Variants in SFMBT2 observed in about 807,000 individuals in gnomAD.
The protein encoded by SFMBT2 is Scm like with four mbt domains 2, also known as scm-like with four MBT domains protein 2.
In SFMBT2, 38 loss-of-function variants were observed where a neutral mutation model predicts 110.1. The ratio of observed to expected loss-of-function variants is 0.35; its 90% confidence interval spans 0.27 to 0.45. SFMBT2 has a LOEUF of 0.45. SFMBT2 is among the 20% of genes least tolerant of loss of function. The probability of loss-of-function intolerance (pLI) is 1.00; values close to 1 mark genes in which losing one functional copy is unlikely to be tolerated. For synonymous variants in SFMBT2, 425 were observed against 425.4 expected, an observed-to-expected ratio of 1.00 and a Z score of 0.01; for missense variants, 1,011 against 1,094.9, an observed-to-expected ratio of 0.92 and a Z score of 1.08.
chr10:7,370,186 C>T (rs1845022496), intron 3 of SFMBT2, 95 bp downstream of exon 3: 1 of 1,125,174 alleles, frequency 8.9e-7, no homozygotes, highest in Admixed American at 1.8e-5. Context: ...CCTCTTTCCT[C>T]TGCCCTTCTT....
In SFMBT2 at chr10:7,301,428, G is replaced by T. The variant is rs572778405; in HGVS notation, c.437-15474C>A. Among the ~76,000 whole-genome samples, 1 of 152,320 alleles carries T rather than the reference G, an allele frequency of 6.6e-6. No individual in the cohort carries two copies. Among genetic ancestry groups the T allele is most frequent in the South Asian group, 2.1e-4 (1 of 4,826 alleles). On this transcript the variant is annotated intron_variant, in intron 4 of 20. Transcript: ENST00000397167. The surrounding 1 kb of genome is among the most constrained non-coding windows in gnomAD (Gnocchi z 4.2). ...AGAAAGCCCGAACTCATGAGACAGCGGAGGAAACCCGGGAGGGACTAGAAC... is the reference window on the plus strand; with the variant it reads ...AGAAAGCCCGAACTCATGAGACAGCTGAGGAAACCCGGGAGGGACTAGAAC...
chr10:7,285,451 T>C (rs1213684769), intron 5 of SFMBT2: 1 of 153,186 alleles, frequency 6.5e-6, no homozygotes, highest in Non-Finnish European at 1.5e-5. Context: ...AAATAGAACA[T>C]TTAATGGAAC....
intron 2 of SFMBT2, 109 bp downstream of exon 2, chr10:7,381,690 G>C: frequency 8.4e-7 from 1 of 1,191,020 alleles, no homozygotes; most frequent in Non-Finnish European, 1.2e-6. Flanking sequence ...CCAGGAACCA[G>C]ACAGTATGTG....
Position 7,171,642 on chromosome 10 carries a change from G to T in SFMBT2, c.2415+253C>A. Reference sequence around the variant, plus strand: ...GAGGACTGTGCCCTCCTCCTGACAAGAACCCAGGTGGCACTAAAGCCGTCC... The same window carrying T: ...GAGGACTGTGCCCTCCTCCTGACAATAACCCAGGTGGCACTAAAGCCGTCC... On this transcript the variant is annotated intron_variant, in intron 19 of 20. Transcript: ENST00000397167. This position sits in a 1 kb window ranked among gnomAD's most constrained non-coding sequence, Gnocchi z 4.9. 3.3e-6 allele frequency: 3 copies of T among 914,880 alleles called. No homozygotes were observed. The highest frequency in any genetic ancestry group is 3.9e-6 in the Non-Finnish European group (3 of 765,676). 56.7% of individuals were successfully genotyped at this position (914,880 alleles called of 1,614,324 possible). A position where few individuals can be genotyped will look rare whatever the true frequency, so the allele number is the denominator to read the frequency against.
intron 6 of SFMBT2, chr10:7,277,579 A>G (rs10795539): frequency 0.61 from 99,966 of 162,942 alleles, 32,059 homozygotes; most frequent in African/African-American, 0.79. Flanking sequence ...TTCCCCAGGC[A>G]GTGGGAGGGG....
chr10:7,195,234 C>T (rs1270362876), intron 15 of SFMBT2, among the ~76,000 whole-genome samples: 2 of 152,196 alleles, frequency 1.3e-5, no homozygotes, highest in African/African-American at 2.4e-5. Flanking sequence ...GTAATCCTGG[C>T]TTGATTTCTG....
chr10:7,228,734 TCCTTTC>T (rs1185848096), intron 9 of SFMBT2, among the ~76,000 whole-genome samples: 1 of 55,420 alleles, frequency 1.8e-5, no homozygotes, highest in East Asian at 4.5e-4. Flanking sequence ...TTTCTTTCTT[TCCTTTC>T]TCTCTCTCTC....
At chr10:7,290,217 T>C (rs1203332561) in intron 4 of SFMBT2, among the ~76,000 whole-genome samples, 1 of 151,072 alleles carries the variant, frequency 6.6e-6, no homozygotes, top group Non-Finnish European at 1.5e-5. Flanking sequence ...TCATCGCTCA[T>C]GCTTTCAACT....
intron 4 of SFMBT2, among the ~76,000 whole-genome samples, chr10:7,339,037 C>T (rs1345887842): frequency 1.3e-5 from 2 of 152,188 alleles, no homozygotes; most frequent in South Asian, 2.1e-4. Flanking sequence ...GTCAGGAGTT[C>T]GAGACCAGCC....
rs1384110795 is a variant in SFMBT2 at position 7,314,984 on chromosome 10, GAGAAAGAAAGAAAGAAA to G, written c.437-29047_437-29031del. On this transcript the variant is annotated intron_variant, in intron 4 of 20. Transcript: ENST00000397167. ...AAAGAGAGAGAGAGAGAGGGAGAAA[GAGAAAGAAAGAAAGAAA>G]AGAAAGAAAGAAAGAAAAGAGAGAG... 1.4e-4 allele frequency among the ~76,000 whole-genome samples: 20 copies of G among 141,810 alleles called. No homozygotes were observed. In the South Asian group the frequency reaches 4.1e-3, roughly 29 times the overall value. 93.0% of individuals were successfully genotyped at this position (141,810 alleles called of 152,430 possible). A position where few individuals can be genotyped will look rare whatever the true frequency, so the allele number is the denominator to read the frequency against.
At chr10:7,209,375 A>G (rs984449403) in intron 11 of SFMBT2, among the ~76,000 whole-genome samples, 9 of 152,248 alleles carry the variant, frequency 5.9e-5, no homozygotes, top group East Asian at 3.8e-4. Context: ...ACCATGTTCA[A>G]TCTCTTGACT....
intron 16 of SFMBT2, among the ~76,000 whole-genome samples, chr10:7,180,474 G>A (rs1196267394): frequency 2.0e-5 from 3 of 152,024 alleles, no homozygotes; most frequent in African/African-American, 7.3e-5. Flanking sequence ...CCTTGGCCCT[G>A]CCCTTCCCAG....
At chr10:7,219,565 A>C (rs1839657811) in intron 11 of SFMBT2, 2 of 183,098 alleles carry the variant, frequency 1.1e-5, no homozygotes, top group South Asian at 3.6e-4. Flanking sequence ...TTTTCCTTCT[A>C]AACTCTTTAT....
chr10:7,165,370 G>A (rs531736196), intron 20 of SFMBT2, among the ~76,000 whole-genome samples: 1 of 152,328 alleles, frequency 6.6e-6, no homozygotes, highest in Admixed American at 6.5e-5. Flanking sequence ...TAGCTGTCTT[G>A]AAAATATCTA....
At position 7,348,378 on chromosome 10, in the gene SFMBT2, T is replaced by C. The variant is rs764435956; in HGVS notation, c.436+19271A>G. On this transcript the variant is annotated intron_variant, in intron 4 of 20. Coordinates refer to ENST00000397167, the MANE Select transcript of SFMBT2 (RefSeq NM_001387889.1). Reference sequence around the variant, plus strand: ...GATGGTTTTAATGGCTATAACTTGCTCCTATAATCCATGATGGGCTTTGGG... The same window carrying C: ...GATGGTTTTAATGGCTATAACTTGCCCCTATAATCCATGATGGGCTTTGGG... 4.8e-6 allele frequency: 7 copies of C among 1,445,554 alleles called. No homozygotes were observed. In the South Asian group the frequency reaches 1.0e-4, roughly 21 times the overall value. 89.5% of individuals were successfully genotyped at this position (1,445,554 alleles called of 1,614,324 possible).
Position 7,172,623 on chromosome 10 carries a change from G to C in SFMBT2, c.2023C>G (p.Pro675Ala). 2 of 1,614,216 alleles carry C rather than the reference G, an allele frequency of 1.2e-6. No individual in the cohort carries two copies. Among genetic ancestry groups the C allele is most frequent in the South Asian group, 2.2e-5 (2 of 91,076 alleles). ...CTGTCGGGGTTGCTTTCCCCGATGG[G>C]GGGCTTGGAGATCTTCTTTCTCTTT... Reference protein sequence around the residue: ...YGKRKKISKPPIGESNPDSGH... With the variant: ...YGKRKKISKPAIGESNPDSGH... Residue 675 changes from proline (P) to alanine (A), a missense_variant, in exon 18 of 21, where the codon CCC becomes GCC. Physicochemically the swap from Pro to Ala is conservative, Grantham distance 27. Transcript: ENST00000397167. This position sits in a 1 kb window ranked among gnomAD's most constrained non-coding sequence, Gnocchi z 4.6.
At chr10:7,260,193 C>A (rs988932478) in intron 7 of SFMBT2, among the ~76,000 whole-genome samples, 1 of 152,196 alleles carries the variant, frequency 6.6e-6, no homozygotes, top group Non-Finnish European at 1.5e-5. Flanking sequence ...GACCAGTCAC[C>A]TGAAATGGTA....
intron 11 of SFMBT2, among the ~76,000 whole-genome samples, chr10:7,213,548 C>T (rs551793300): frequency 5.9e-5 from 9 of 152,336 alleles, no homozygotes; most frequent in African/African-American, 1.7e-4. Context: ...TGAATAACGG[C>T]ATCATTCGTC....
chr10:7,275,355 G>C (rs1841738116), intron 7 of SFMBT2, among the ~76,000 whole-genome samples: 1 of 152,198 alleles, frequency 6.6e-6, no homozygotes, highest in Admixed American at 6.5e-5. Flanking sequence ...AGAGAAAGGG[G>C]CAGGGGAGAC....
Sources: allele counts gnomAD v4.1 joint callset (sites outside exome capture counted in the v4.1 genomes callset), GRCh38; gene constraint gnomAD v4.1.1; non-coding constraint Gnocchi (gnomAD v3.1); transcripts MANE v1.5; gene names NCBI Gene and HGNC (gene_info 2026-07-23, HGNC 2026-07-21).